The following RDX variants were observed in gnomAD, a reference collection of about 807,000 sequenced individuals.
RDX encodes deafness, autosomal recessive 24.
A neutral mutation model predicts 83.7 loss-of-function variants in RDX; 32 were observed. The observed-to-expected ratio is 0.38, with a 90% CI of 0.29 to 0.51. RDX has a LOEUF of 0.51. Among genes scored for constraint, RDX ranks in the 20% least tolerant of loss-of-function variants. The pLI, the probability that RDX is intolerant of heterozygous loss-of-function variation, is 0.87. For synonymous variants in RDX, 229 were observed against 222.7 expected (o/e 1.03, Z -0.25); for missense variants, 600 against 689.9 (o/e 0.87, Z 1.46).
At chr11:110,243,668 C>T (rs1372822850) in intron 10 of RDX, among the ~76,000 whole-genome samples, 2 of 151,736 alleles carry the variant, frequency 1.3e-5, no homozygotes, top group African/African-American at 4.8e-5. Flanking sequence ...CAGTGAACCG[C>T]GATCATGCCA....
At chr11:110,225,494 C>T (rs1463156586), downstream of RDX, among the ~76,000 whole-genome samples, 2 of 152,048 alleles carry the variant, frequency 1.3e-5, no homozygotes, top group Non-Finnish European at 2.9e-5. Flanking sequence ...CCAATAAACA[C>T]ATGAAAAAAG....
intron 15 of RDX, among the ~76,000 whole-genome samples, chr11:110,180,556 G>A (rs188929784): frequency 9.3e-4 from 141 of 152,226 alleles, no homozygotes; most frequent in African/African-American, 3.2e-3. Flanking sequence ...GGTCACCCTC[G>A]TGAAGCTGTT....
At chr11:110,275,142 C>T (rs1370323372) in intron 2 of RDX, among the ~76,000 whole-genome samples, 1 of 152,122 alleles carries the variant, frequency 6.6e-6, no homozygotes, top group Non-Finnish European at 1.5e-5. Context: ...AAAGTGGGAT[C>T]CTCGATTGCT....
intron 9 of RDX, among the ~76,000 whole-genome samples, chr11:110,250,040 C>A (rs1304889523): frequency 6.6e-6 from 1 of 152,194 alleles, no homozygotes; most frequent in Non-Finnish European, 1.5e-5. Flanking sequence ...AGGACATTCA[C>A]CTCTTTCTCT....
chr11:110,206,119 T>C (rs992964455), intron 14 of RDX, among the ~76,000 whole-genome samples: 1 of 151,634 alleles, frequency 6.6e-6, no homozygotes, highest in Non-Finnish European at 1.5e-5. Context: ...TAGCTGGGTG[T>C]GGTGGTGGGT....
At chr11:110,289,979 A>AAAAAAAAAAAAAAAC (rs1555049799) in intron 1 of RDX, among the ~76,000 whole-genome samples, 15 of 144,710 alleles carry the variant, frequency 1.0e-4, no homozygotes, top group African/African-American at 4.1e-4. Flanking sequence ...AAAAAAAAAA[A>AAAAAAAAAAAAAAAC]AAACAAGGGT....
intron 15 of RDX, chr11:110,181,704 A>C (rs981269167): frequency 6.6e-6 from 1 of 152,400 alleles, no homozygotes. Flanking sequence ...CAGGCTGTAC[A>C]GTCCGGAGCA....
chr11:110,229,351 C>A (rs767622397), downstream of RDX: 7 of 152,350 alleles, frequency 4.6e-5, no homozygotes, highest in Non-Finnish European at 7.4e-5. Context: ...CTACTTCTTA[C>A]TTTTAAGTTG....
intron 15 of RDX, among the ~76,000 whole-genome samples, chr11:110,183,535 A>G (rs538484655): frequency 6.6e-6 from 1 of 152,310 alleles, no homozygotes; most frequent in Non-Finnish European, 1.5e-5. Context: ...TGATGCTCAG[A>G]CAGGTCCCCA....
intron 3 of RDX, among the ~76,000 whole-genome samples, chr11:110,267,197 C>T (rs1479255798): frequency 6.6e-6 from 1 of 152,174 alleles, no homozygotes; most frequent in Admixed American, 6.5e-5. Context: ...AGCCATCGTG[C>T]CCAGCCTGTT....
intron 9 of RDX, among the ~76,000 whole-genome samples, chr11:110,250,292 C>A (rs1339226278): frequency 6.6e-6 from 1 of 152,174 alleles, no homozygotes; most frequent in African/African-American, 2.4e-5. Context: ...CAAGTAATTG[C>A]TAGTAAGGCC....
intron 14 of RDX, among the ~76,000 whole-genome samples, chr11:110,202,016 G>T (rs1351763437): frequency 6.6e-6 from 1 of 151,314 alleles, no homozygotes; most frequent in African/African-American, 2.4e-5. Context: ...CCTGACTTAG[G>T]TAATCCGCCC....
chr11:110,279,616 T>C (rs189100471), intron 2 of RDX, 65 bp downstream of exon 2: 21 of 1,070,442 alleles, frequency 2.0e-5, no homozygotes, highest in Admixed American at 1.7e-4. Flanking sequence ...CTTTGTCTTG[T>C]TCCAAAACGA....
At chr11:110,293,134 C>A (rs891347492) in intron 1 of RDX, among the ~76,000 whole-genome samples, 10 of 152,194 alleles carry the variant, frequency 6.6e-5, no homozygotes, top group Middle Eastern at 3.2e-3. Context: ...AGCATCCTTT[C>A]AATGTCTGTT....
intron 10 of RDX, among the ~76,000 whole-genome samples, chr11:110,244,391 G>C (rs1187983901): frequency 3.8e-5 from 5 of 130,618 alleles, no homozygotes; most frequent in Non-Finnish European, 8.2e-5. Flanking sequence ...AAAAAAAAGA[G>C]AGTGGAGTGC....
intron 14 of RDX, among the ~76,000 whole-genome samples, chr11:110,209,559 C>G: frequency 6.6e-6 from 1 of 152,116 alleles, no homozygotes; most frequent in Non-Finnish European, 1.5e-5. Flanking sequence ...AAAAAGACAG[C>G]AGTAACCTCT....
intron 15 of RDX, among the ~76,000 whole-genome samples, chr11:110,189,050 A>AG (rs1198233340): frequency 6.6e-6 from 1 of 151,982 alleles, no homozygotes; most frequent in Non-Finnish European, 1.5e-5. Flanking sequence ...AAAAGCACAG[A>AG]GTGACAAATT....
At chr11:110,214,830 G>A (rs1324882680) in intron 14 of RDX, among the ~76,000 whole-genome samples, 1 of 117,848 alleles carries the variant, frequency 8.5e-6, no homozygotes, top group East Asian at 2.5e-4. Flanking sequence ...ATCACACTCT[G>A]GGGACTGTTG....
At chr11:110,295,649 A>AC in intron 1 of RDX, among the ~76,000 whole-genome samples, 1 of 150,758 alleles carries the variant, frequency 6.6e-6, no homozygotes, top group African/African-American at 2.5e-5. Context: ...ACTGAAAAAA[A>AC]AAAAAAAACA....
Sources: allele counts gnomAD v4.1 joint callset (sites outside exome capture counted in the v4.1 genomes callset), GRCh38; gene constraint gnomAD v4.1.1; transcripts MANE v1.5; gene names NCBI Gene and HGNC (gene_info 2026-07-23, HGNC 2026-07-21).